Variants in CELF2 observed in about 807,000 individuals in gnomAD.
The protein encoded by CELF2 is CUG triplet repeat RNA-binding protein 2.
In CELF2, 8 loss-of-function variants were observed where a neutral mutation model predicts 62.6. The observed-to-expected ratio is 0.13, with a 90% CI of 0.07 to 0.23. CELF2 has a LOEUF of 0.23. CELF2 is among the 10% of genes least tolerant of loss of function. CELF2 has a pLI of 1.00. For synonymous variants in CELF2, 258 were observed against 250.0 expected, an observed-to-expected ratio of 1.03 and a Z score of -0.30; for missense variants, 333 against 671.0, an observed-to-expected ratio of 0.50 and a Z score of 5.56.
intron 1 of CELF2, among the ~76,000 whole-genome samples, chr10:11,029,865 A>G (rs10905886): frequency 0.25 from 38,424 of 152,174 alleles, 8,466 homozygotes; most frequent in African/African-American, 0.6. Context: ...TTGGGCCAAC[A>G]GTTTTAAATC....
At chr10:10,728,473 AAGAG>A in the CELF2 span, among the ~76,000 whole-genome samples, 2 of 148,534 alleles carry the variant, frequency 1.3e-5, no homozygotes, top group Middle Eastern at 3.4e-3. Context: ...AAAAAAAAAA[AAGAG>A]AGAGAAAAAA....
In CELF2 at chr10:11,145,699, A is replaced by G. The variant is rs919510002; in HGVS notation, c.75-19787A>G. On this transcript the variant is annotated intron_variant, in intron 1 of 12. Transcript: ENST00000633077. This position sits in a 1 kb window ranked among gnomAD's most constrained non-coding sequence, Gnocchi z 4.3. Reference sequence around the variant, plus strand: ...TAGAACAACTGCACATAAACCAGACATGCTTTAGAAAATCCAGCCAGGCCT... The same window carrying G: ...TAGAACAACTGCACATAAACCAGACGTGCTTTAGAAAATCCAGCCAGGCCT... Among the ~76,000 whole-genome samples the G allele has an allele frequency of 6.6e-6, 1 of 152,174 alleles. No individual in the cohort carries two copies. Among genetic ancestry groups the G allele is most frequent in the Non-Finnish European group, 1.5e-5 (1 of 68,032 alleles).
intron 1 of CELF2, among the ~76,000 whole-genome samples, chr10:11,101,271 G>A (rs895822976): frequency 6.6e-6 from 1 of 152,194 alleles, no homozygotes; most frequent in East Asian, 1.9e-4. Flanking sequence ...CAATACTTCT[G>A]AGACATCCAA....
intron 2 of CELF2, among the ~76,000 whole-genome samples, chr10:10,967,174 G>A (rs1010142805): frequency 6.6e-6 from 1 of 152,186 alleles, no homozygotes; most frequent in African/African-American, 2.4e-5. Context: ...GTGGGAGGGA[G>A]GCACAGAGAC....
rs1490385677 is a variant in CELF2, at chr10:11,331,717, A to T, written c.*2664A>T. 2 of 152,548 alleles carry T rather than the reference A, an allele frequency of 1.3e-5. No individual in the cohort carries two copies. The highest frequency in any genetic ancestry group is 6.5e-5 in the Admixed American group (1 of 15,274). 9.4% of individuals were successfully genotyped at this position (152,548 alleles called of 1,614,324 possible). On this transcript the variant is annotated 3_prime_UTR_variant, in exon 13 of 13. Coordinates refer to ENST00000633077, the MANE Select transcript of CELF2 (RefSeq NM_001326342.2). ...ATTTCTCTCTGATGTTTTTTGTAAG[A>T]CATTGTATAAGTGCCCATGTCCCAC...
chr10:11,197,024 G>GA lies in CELF2; in HGVS notation c.272-20397dup, dbSNP rs372325767. Among the ~76,000 whole-genome samples, 8 of 4,750 alleles carry GA rather than the reference G, an allele frequency of 1.7e-3. 1 individual carries two copies. Among genetic ancestry groups the GA allele is most frequent in the African/African-American group, 3.1e-3 (8 of 2,548 alleles). The allele number at this position is 4,750 out of a possible 152,430, so 3.1% of individuals were successfully genotyped here. ...AAGGAGAAAGAAAGAAAGAAAGAAA[G>GA]AAAAGAAAGAAAGAAAGAAAGAAAG... On this transcript the variant is annotated intron_variant, in intron 2 of 12. Transcript: ENST00000633077.
chr10:10,919,455 C>T (rs748915008), intron 1 of CELF2, among the ~76,000 whole-genome samples: 5 of 152,114 alleles, frequency 3.3e-5, no homozygotes, highest in African/African-American at 7.2e-5. Flanking sequence ...AACTTTATAA[C>T]AAAGAAATGA....
the CELF2 span, among the ~76,000 whole-genome samples, chr10:10,531,232 G>C: frequency 6.6e-6 from 1 of 152,200 alleles, no homozygotes; most frequent in Non-Finnish European, 1.5e-5. Flanking sequence ...GGGCCCTGGG[G>C]AACACCTACG....
At chr10:11,320,885 A>C (rs1273904309) in intron 10 of CELF2, 2 of 1,546,720 alleles carry the variant, frequency 1.3e-6, no homozygotes, top group Non-Finnish European at 1.7e-6. Context: ...TTTTACTTCC[A>C]AAAGATAACA....
the CELF2 span, among the ~76,000 whole-genome samples, chr10:10,624,106 T>A: frequency 8.5e-5 from 13 of 152,232 alleles, no homozygotes; most frequent in Non-Finnish European, 1.8e-4. Context: ...GAACAGGATG[T>A]ACCAGGCAGT....
At chr10:10,703,266 T>C in the CELF2 span, among the ~76,000 whole-genome samples, 1 of 152,222 alleles carries the variant, frequency 6.6e-6, no homozygotes, top group African/African-American at 2.4e-5. Context: ...TTTTTACAGA[T>C]GAGGAAACCT....
chr10:11,175,989 C>A (rs2070942189), intron 2 of CELF2, among the ~76,000 whole-genome samples: 1 of 152,140 alleles, frequency 6.6e-6, no homozygotes, highest in Non-Finnish European at 1.5e-5. Flanking sequence ...GTCCGTTGCA[C>A]ACATGCATGC....
chr10:10,588,760 T>C, the CELF2 span, among the ~76,000 whole-genome samples: 1 of 152,228 alleles, frequency 6.6e-6, no homozygotes, highest in Non-Finnish European at 1.5e-5. Flanking sequence ...AATTGAACAA[T>C]GAACCCTAGA....
intron 1 of CELF2, among the ~76,000 whole-genome samples, chr10:10,853,192 G>C (rs904392758): frequency 6.6e-6 from 1 of 152,158 alleles, no homozygotes; most frequent in Non-Finnish European, 1.5e-5. Context: ...TGTTGGCCAG[G>C]TTGGTACTGA....
chr10:10,871,023 A>G (rs1591394468), intron 1 of CELF2, among the ~76,000 whole-genome samples: 3 of 150,514 alleles, frequency 2.0e-5, no homozygotes, highest in South Asian at 4.2e-4. Context: ...CTGTTGCGCC[A>G]TAAATAATTG....
chr10:10,924,724 C>CTTTTTTTTTGTTTTTTTT (rs2065287652), intron 2 of CELF2, among the ~76,000 whole-genome samples: 1 of 89,146 alleles, frequency 1.1e-5, no homozygotes, highest in Non-Finnish European at 2.0e-5. Context: ...AACTTGATCG[C>CTTTTTTTTTGTTTTTTTT]TTTTTTTTTT....
At chr10:10,893,304 T>C (rs1194730470) in intron 1 of CELF2, among the ~76,000 whole-genome samples, 1 of 152,184 alleles carries the variant, frequency 6.6e-6, no homozygotes, top group Non-Finnish European at 1.5e-5. Flanking sequence ...GCTTAATTAT[T>C]TGAGCCCTAA....
the CELF2 span, among the ~76,000 whole-genome samples, chr10:10,600,474 G>A: frequency 6.6e-6 from 1 of 152,206 alleles, no homozygotes; most frequent in Non-Finnish European, 1.5e-5. Context: ...GATCAAAACA[G>A]AGACATGGAA....
chr10:11,032,124 C>T (rs2060207821), intron 1 of CELF2, among the ~76,000 whole-genome samples: 1 of 134,164 alleles, frequency 7.5e-6, no homozygotes, highest in Non-Finnish European at 1.6e-5. Flanking sequence ...TTTACATCTC[C>T]CAGCTCCACA....
Sources: allele counts gnomAD v4.1 joint callset (sites outside exome capture counted in the v4.1 genomes callset), GRCh38; gene constraint gnomAD v4.1.1; non-coding constraint Gnocchi (gnomAD v3.1); transcripts MANE v1.5; gene names NCBI Gene and HGNC (gene_info 2026-07-23, HGNC 2026-07-21).